Variants in SLC44A5 observed in about 807,000 individuals in gnomAD.
The protein encoded by SLC44A5 is solute carrier family 44 member 5, also known as choline transporter-like protein 5.
In SLC44A5, 57 loss-of-function variants were observed where a neutral mutation model predicts 101.8. The observed-to-expected ratio is 0.56, with a 90% confidence interval of 0.45 to 0.70. SLC44A5 has a LOEUF of 0.70. Ranked by LOEUF, SLC44A5 falls within the 30% of genes least tolerant of loss-of-function variation. The pLI is 0.00. For missense variants in SLC44A5, 737 were observed against 853.1 expected (o/e 0.86, Z 1.70); for synonymous variants, 281 against 290.9 (o/e 0.97, Z 0.35).
intron 2 of SLC44A5, among the ~76,000 whole-genome samples, chr1:75,403,122 A>G (rs894050678): frequency 1.3e-5 from 2 of 152,136 alleles, no homozygotes; most frequent in African/African-American, 2.4e-5. Flanking sequence ...CTGCAAAGAC[A>G]CTGTAGCCAG....
chr1:75,369,529 T>G, intron 3 of SLC44A5, among the ~76,000 whole-genome samples: 1 of 152,178 alleles, frequency 6.6e-6, no homozygotes, highest in Admixed American at 6.5e-5. Flanking sequence ...GAGAGATACA[T>G]ACATTCCATA....
chr1:75,641,539 T>C, the SLC44A5 span: 1 of 1,492,982 alleles, frequency 6.7e-7, no homozygotes, highest in Non-Finnish European at 9.3e-7. Flanking sequence ...TTTCTACAAA[T>C]GGCTTTTGAA....
At chr1:75,691,300 CA>C in the SLC44A5 span, among the ~76,000 whole-genome samples, 1 of 152,108 alleles carries the variant, frequency 6.6e-6, no homozygotes, top group Non-Finnish European at 1.5e-5. Context: ...AAAATGATAG[CA>C]ATGAGATTTT....
upstream of SLC44A5, among the ~76,000 whole-genome samples, chr1:75,611,323 G>A (rs1029576978): frequency 1.3e-5 from 2 of 152,106 alleles, no homozygotes; most frequent in Non-Finnish European, 1.5e-5. Context: ...TAGGTAGTTT[G>A]GAGGTGGAAG....
chr1:75,220,605 GATA>G (rs1647057828), intron 14 of SLC44A5, among the ~76,000 whole-genome samples: 6 of 152,018 alleles, frequency 3.9e-5, no homozygotes, highest in South Asian at 2.1e-4. Context: ...AATTATCAAG[GATA>G]ATAATTTCTT....
intron 2 of SLC44A5, among the ~76,000 whole-genome samples, chr1:75,399,075 G>C (rs1039838880): frequency 1.3e-5 from 2 of 151,840 alleles, no homozygotes; most frequent in Non-Finnish European, 2.9e-5. Flanking sequence ...CTGTTCAGGG[G>C]GATGAGAACT....
At chr1:75,489,500 G>C (rs994676132) in intron 2 of SLC44A5, among the ~76,000 whole-genome samples, 40 of 152,286 alleles carry the variant, frequency 2.6e-4, no homozygotes, top group African/African-American at 9.1e-4. Flanking sequence ...TGTTTGGTTG[G>C]TTGTTTTTAA....
upstream of SLC44A5, among the ~76,000 whole-genome samples, chr1:75,611,385 A>C (rs1261527609): frequency 6.6e-6 from 1 of 152,166 alleles, no homozygotes; most frequent in Non-Finnish European, 1.5e-5. Context: ...TCTTTCCTGA[A>C]TATCATAGCA....
intron 4 of SLC44A5, among the ~76,000 whole-genome samples, chr1:75,332,427 T>C (rs568730103): frequency 4.3e-4 from 66 of 152,294 alleles, no homozygotes; most frequent in African/African-American, 1.6e-3. Flanking sequence ...AAGAGGCATA[T>C]AGGTATATAA....
chr1:75,361,603 TCA>T (rs2101117358), intron 3 of SLC44A5, among the ~76,000 whole-genome samples: 1 of 152,194 alleles, frequency 6.6e-6, no homozygotes, highest in South Asian at 2.1e-4. Context: ...ATTGAGATAA[TCA>T]TTTAGTTTTT....
At chr1:75,454,366 C>T (rs909831210) in intron 2 of SLC44A5, among the ~76,000 whole-genome samples, 3 of 151,976 alleles carry the variant, frequency 2.0e-5, no homozygotes, top group African/African-American at 7.2e-5. Context: ...ATGATTAAAA[C>T]CCTTAAGAAA....
At position 75,599,398 on chromosome 1, in the gene SLC44A5, C is replaced by T. The variant is rs533880353; in HGVS notation, c.-70+11642G>A. 4.0e-4 allele frequency among the ~76,000 whole-genome samples: 61 copies of T among 152,130 alleles called. No individual in the cohort carries two copies. In the South Asian group the frequency reaches 6.4e-3, roughly 16 times the overall value. ...AATTGGAGACAGAAGTGGACCAGAGCGACACTCTAACCTGGGATGTTAAGC... is the reference window on the plus strand; with the variant it reads ...AATTGGAGACAGAAGTGGACCAGAGTGACACTCTAACCTGGGATGTTAAGC... On this transcript the variant is annotated intron_variant, in intron 1 of 23. Transcript: ENST00000370859.
the SLC44A5 span, among the ~76,000 whole-genome samples, chr1:75,707,810 A>G: frequency 6.6e-6 from 1 of 152,314 alleles, no homozygotes; most frequent in East Asian, 1.9e-4. Context: ...AAAAATATCA[A>G]ATTTGGATAA....
chr1:75,420,071 C>CT (rs1269897934), intron 2 of SLC44A5, among the ~76,000 whole-genome samples: 13 of 152,072 alleles, frequency 8.5e-5, no homozygotes, highest in Admixed American at 8.5e-4. Context: ...TAGTGTCCTT[C>CT]TAAGAGAGGC....
intron 3 of SLC44A5, among the ~76,000 whole-genome samples, chr1:75,388,859 T>C (rs576843120): frequency 3.0e-4 from 46 of 151,754 alleles, no homozygotes; most frequent in Non-Finnish European, 5.9e-4. Flanking sequence ...CTAAAAGGCA[T>C]AGAGTGGCAA....
At chr1:75,556,102 G>A (rs779028435) in intron 1 of SLC44A5, among the ~76,000 whole-genome samples, 14 of 152,008 alleles carry the variant, frequency 9.2e-5, no homozygotes, top group Non-Finnish European at 1.6e-4. Context: ...GGATTACAAA[G>A]GAGAATGAAG....
At chr1:75,698,712 A>G in the SLC44A5 span, among the ~76,000 whole-genome samples, 2 of 152,166 alleles carry the variant, frequency 1.3e-5, no homozygotes, top group Admixed American at 6.5e-5. Context: ...TCCGAGCTAC[A>G]GGAGGACACT....
intron 3 of SLC44A5, among the ~76,000 whole-genome samples, chr1:75,348,905 G>T (rs998273219): frequency 6.6e-6 from 1 of 152,210 alleles, no homozygotes; most frequent in South Asian, 2.1e-4. Context: ...ATCAAGAAAC[G>T]AAAGTCACAG....
chr1:75,641,894 T>C, the SLC44A5 span: 3 of 1,588,566 alleles, frequency 1.9e-6, no homozygotes, highest in Non-Finnish European at 2.6e-6. Flanking sequence ...GGAGACCCAT[T>C]CAAGAATTTC....
Sources: gnomAD v4.1 joint callset for allele counts (sites outside exome capture counted in the v4.1 genomes callset) on GRCh38, gnomAD v4.1.1 for gene constraint, MANE v1.5 for transcripts, NCBI Gene and HGNC (gene_info 2026-07-23, HGNC 2026-07-21) for gene names.